Variants in ARID4A observed in about 807,000 individuals in gnomAD.
ARID4A encodes AT-rich interactive domain-containing protein 4A.
Under a neutral mutation model 148.6 loss-of-function variants are expected in ARID4A, and 39 were observed. That is an observed-to-expected ratio of 0.26 (90% CI 0.20 to 0.34). The LOEUF is 0.34. Among genes scored for constraint, ARID4A ranks in the 10% least tolerant of loss-of-function variants. The pLI is 1.00. For missense variants in ARID4A, 1,265 were observed against 1,449.1 expected (o/e 0.87, Z 2.06); for synonymous variants, 475 against 481.2 (o/e 0.99, Z 0.17).
At chr14:58,367,090 G>T in intron 23 of ARID4A, 61 bp downstream of exon 23, 1 of 1,267,976 alleles carries the variant, frequency 7.9e-7, no homozygotes, top group Admixed American at 3.0e-5. Context: ...CATTTTAGAA[G>T]ATTTAAATTT....
chr14:58,370,174 T>C (rs546510804), intron 23 of ARID4A: 7 of 152,362 alleles, frequency 4.6e-5, no homozygotes, highest in African/African-American at 1.7e-4. Flanking sequence ...AAGAAGTCTT[T>C]ACAGAACTTT....
chr14:58,311,478 C>G (rs944465608), intron 5 of ARID4A, among the ~76,000 whole-genome samples: 1 of 152,102 alleles, frequency 6.6e-6, no homozygotes, highest in Non-Finnish European at 1.5e-5. Context: ...AATCCTTGCC[C>G]GCCATTGGTG....
At chr14:58,367,124 A>C in intron 23 of ARID4A, 95 bp downstream of exon 23, 2 of 944,714 alleles carry the variant, frequency 2.1e-6, no homozygotes, top group Non-Finnish European at 2.9e-6. Flanking sequence ...TATAGTACAC[A>C]TTCATTAATT....
chr14:58,300,806 G>GAA (rs35202471), intron 2 of ARID4A, among the ~76,000 whole-genome samples: 1 of 132,054 alleles, frequency 7.6e-6, no homozygotes, highest in Admixed American at 7.7e-5. Context: ...TTAACTTCCG[G>GAA]AAAAAAAAAA....
At chr14:58,350,100 T>TA (rs758927898) in intron 15 of ARID4A, among the ~76,000 whole-genome samples, 2,128 of 83,518 alleles carry the variant, frequency 0.025, 46 homozygotes, top group African/African-American at 0.036. Context: ...GACTCTGTCT[T>TA]AAAAAAAAAA....
At chr14:58,350,941 C>T (rs2034610472) in intron 15 of ARID4A, 132 bp from the exon 16 acceptor site, 1 of 752,406 alleles carries the variant, frequency 1.3e-6, no homozygotes, top group Non-Finnish European at 2.0e-6. Flanking sequence ...AGAAAGGTAC[C>T]TTTGAGTTGG....
rs192555023 is a variant in ARID4A at position 58,365,975 on chromosome 14, T to C, written c.3317-49T>C. On this transcript the variant is annotated intron_variant, in intron 21 of 23. Coordinates refer to ENST00000355431, the MANE Select transcript of ARID4A (RefSeq NM_002892.4). ...TTGTTAGGTCTGTTGCATTTTGATA[T>C]TTAAGAATTTTATTTATAATCTGAG... 2.4e-5 allele frequency: 35 copies of C among 1,456,864 alleles called. No individual in the cohort carries two copies. In the Admixed American group the frequency reaches 2.4e-4, roughly 10 times the overall value. The allele number at this position is 1,456,864 out of a possible 1,614,324, so 90.2% of individuals were successfully genotyped here.
At chr14:58,361,888 A>C (rs971498726) in intron 19 of ARID4A, among the ~76,000 whole-genome samples, 1 of 152,148 alleles carries the variant, frequency 6.6e-6, no homozygotes, top group Non-Finnish European at 1.5e-5. Context: ...GGGGTGTTCA[A>C]CCTGTAAATC....
At chr14:58,301,964 C>T (rs1231329501) in intron 3 of ARID4A, among the ~76,000 whole-genome samples, 1 of 152,166 alleles carries the variant, frequency 6.6e-6, no homozygotes, top group African/African-American at 2.4e-5. Context: ...TCTATTTTCT[C>T]CCCTCATTTA....
rs754295532 is a variant in ARID4A, at chr14:58,373,301, C to T, written c.*1312C>T. ...AGACTGATAGATTTTGTAAATAATT[C>T]TTCCAAAATCATGTATTTAAAGCAG... On this transcript the variant is annotated 3_prime_UTR_variant, in exon 24 of 24. Transcript: ENST00000355431. 1.6e-5 allele frequency: 3 copies of T among 193,460 alleles called. No homozygotes were observed. Among genetic ancestry groups the T allele is most frequent in the African/African-American group, 2.3e-5 (1 of 43,014 alleles). The allele number at this position is 193,460 out of a possible 1,614,324, so 12.0% of individuals were successfully genotyped here. A position where few individuals can be genotyped will look rare whatever the true frequency, so the allele number is the denominator to read the frequency against.
chr14:58,351,620 A>T (rs532106253), intron 16 of ARID4A: 12 of 244,606 alleles, frequency 4.9e-5, no homozygotes, highest in Admixed American at 4.8e-4. Flanking sequence ...AGCTGGAGAA[A>T]AATGGAGGAA....
intron 13 of ARID4A, 81 bp downstream of exon 13, chr14:58,346,586 A>G: frequency 1.2e-6 from 1 of 828,830 alleles, no homozygotes; most frequent in Non-Finnish European, 1.9e-6. Flanking sequence ...TTATATGCAC[A>G]TTGGATAATA....
At chr14:58,368,131 TGGG>T (rs944693474) in intron 23 of ARID4A, among the ~76,000 whole-genome samples, 1 of 152,120 alleles carries the variant, frequency 6.6e-6, no homozygotes, top group African/African-American at 2.4e-5. Context: ...CCTGTAGACT[TGGG>T]GGCACCAGCC....
chr14:58,346,062 A>G (rs2034349229), intron 12 of ARID4A, among the ~76,000 whole-genome samples: 1 of 151,686 alleles, frequency 6.6e-6, no homozygotes, highest in African/African-American at 2.4e-5. Flanking sequence ...TGAACCAGCA[A>G]CATTGTTGGC....
chr14:58,303,186 T>C (rs1256709479), intron 3 of ARID4A, among the ~76,000 whole-genome samples: 1 of 152,220 alleles, frequency 6.6e-6, no homozygotes, highest in East Asian at 1.9e-4. Context: ...ATAATAATTT[T>C]ACATATTCAT....
At chr14:58,309,094 A>T (rs2031822345) in intron 5 of ARID4A, among the ~76,000 whole-genome samples, 1 of 152,122 alleles carries the variant, frequency 6.6e-6, no homozygotes, top group African/African-American at 2.4e-5. Context: ...GTAATATCTT[A>T]CCCTCTAATG....
intron 5 of ARID4A, among the ~76,000 whole-genome samples, chr14:58,310,536 G>T (rs935700636): frequency 6.6e-6 from 1 of 152,048 alleles, no homozygotes; most frequent in Non-Finnish European, 1.5e-5. Flanking sequence ...CAGTCTCTTC[G>T]TAAATGGTGT....
chr14:58,307,131 A>G (rs1291651086), intron 5 of ARID4A, among the ~76,000 whole-genome samples: 1 of 152,230 alleles, frequency 6.6e-6, no homozygotes. Flanking sequence ...CAAACTGCAC[A>G]ATCCTGTGGA....
rs566037632 is a variant in ARID4A at position 58,360,925 on chromosome 14, G to A, written c.1963G>A (p.Glu655Lys). The A allele has an allele frequency of 3.1e-6, 5 of 1,614,064 alleles. No individual in the cohort carries two copies. The highest frequency in any genetic ancestry group is 2.2e-5 in the East Asian group (1 of 44,862). ...AKNKEDSEKD[E>K]KRDEERQKSK... ...GAATAAAGAAGATAGTGAAAAGGACGAAAAGAGAGATGAGGAGAGGCAGAA... is the reference window on the plus strand; with the variant it reads ...GAATAAAGAAGATAGTGAAAAGGACAAAAAGAGAGATGAGGAGAGGCAGAA... Residue 655 changes from glutamate to lysine, a missense_variant, in exon 19 of 24, where the codon GAA becomes AAA. Physicochemically the swap from Glu to Lys is moderately conservative, Grantham distance 56 (BLOSUM62 1). Transcript: ENST00000355431.
Sources: allele counts gnomAD v4.1 joint callset (sites outside exome capture counted in the v4.1 genomes callset), GRCh38; gene constraint gnomAD v4.1.1; transcripts MANE v1.5; gene names NCBI Gene and HGNC (gene_info 2026-07-23, HGNC 2026-07-21).